The following DLG2 variants were observed in gnomAD, a reference collection of about 807,000 sequenced individuals.
The protein encoded by DLG2 is disks large homolog 2.
DLG2 carries 45 observed loss-of-function variants against 132.5 expected under a neutral mutation model. That is an observed-to-expected ratio of 0.34 (90% CI 0.27 to 0.44). DLG2 has a LOEUF of 0.44. Ranked by LOEUF, DLG2 falls within the 20% of genes least tolerant of loss-of-function variation. DLG2 has a pLI of 1.00. For missense variants in DLG2, 1,045 were observed against 1,196.9 expected (o/e 0.87, Z 1.87); for synonymous variants, 424 against 419.6 (o/e 1.01, Z -0.13).
At chr11:84,802,708 C>A (rs1455944191) in intron 6 of DLG2, among the ~76,000 whole-genome samples, 2 of 150,566 alleles carry the variant, frequency 1.3e-5, no homozygotes, top group Admixed American at 1.3e-4. Flanking sequence ...TGAAAAAAGG[C>A]CAGAGATGAG....
At chr11:84,867,424 T>C (rs1041468668) in intron 6 of DLG2, among the ~76,000 whole-genome samples, 2 of 152,184 alleles carry the variant, frequency 1.3e-5, no homozygotes, top group South Asian at 2.1e-4. Context: ...TAAGTAATCT[T>C]TGAGTCTCAA....
chr11:84,032,487 A>G (rs951111680), intron 11 of DLG2, among the ~76,000 whole-genome samples: 2 of 152,238 alleles, frequency 1.3e-5, no homozygotes, highest in African/African-American at 4.8e-5. Context: ...AGGAAACTGC[A>G]GAAGAGAAGT....
rs115120970 is a variant in DLG2 at position 84,747,643 on chromosome 11, A to T, written c.358-212912T>A. On this transcript the variant is annotated intron_variant, in intron 6 of 27. Transcript: ENST00000376104. ...CCTTGCACTAAGGTACTGAATAATT[A>T]TTAGTTCATGTCTCACGAGCTGCCT... Among the ~76,000 whole-genome samples, 1,066 of 152,344 alleles carry T rather than the reference A, an allele frequency of 7.0e-3. 13 individuals are homozygous for T. The highest frequency in any genetic ancestry group is 0.023 in the African/African-American group (968 of 41,584).
chr11:85,590,802 A>G (rs1388968357), intron 3 of DLG2, among the ~76,000 whole-genome samples: 2 of 152,184 alleles, frequency 1.3e-5, no homozygotes, highest in Non-Finnish European at 2.9e-5. Context: ...TATTAGTTAC[A>G]GTGATCATCA....
At chr11:84,038,137 C>G (rs531461556) in intron 11 of DLG2, among the ~76,000 whole-genome samples, 2 of 151,972 alleles carry the variant, frequency 1.3e-5, no homozygotes, top group Admixed American at 6.6e-5. Flanking sequence ...CCACCTTCCA[C>G]TAGGCCCCAG....
chr11:84,680,846 T>C (rs2099727477), intron 6 of DLG2, among the ~76,000 whole-genome samples: 1 of 152,176 alleles, frequency 6.6e-6, no homozygotes, highest in African/African-American at 2.4e-5. Context: ...AATTCTTAGT[T>C]ACTAACTTTT....
intron 18 of DLG2, among the ~76,000 whole-genome samples, chr11:83,684,988 C>G (rs139704672): frequency 1.3e-5 from 2 of 152,220 alleles, no homozygotes; most frequent in East Asian, 3.9e-4. Context: ...GAAGCTGTAT[C>G]AATATTTTGC....
At chr11:84,873,484 T>C (rs2154045646) in intron 6 of DLG2, among the ~76,000 whole-genome samples, 1 of 152,328 alleles carries the variant, frequency 6.6e-6, no homozygotes, top group African/African-American at 2.4e-5. Flanking sequence ...TGTAATTCAT[T>C]ACATTAGCAC....
intron 11 of DLG2, among the ~76,000 whole-genome samples, chr11:84,052,846 A>C (rs576782823): frequency 6.6e-6 from 1 of 152,144 alleles, no homozygotes; most frequent in African/African-American, 2.4e-5. Context: ...TAGTTTAGCC[A>C]CTGTGGAAGA....
At chr11:84,539,248 A>G (rs1457088754) in intron 6 of DLG2, among the ~76,000 whole-genome samples, 1 of 152,202 alleles carries the variant, frequency 6.6e-6, no homozygotes, top group Non-Finnish European at 1.5e-5. Context: ...AATACATGTT[A>G]ATTTCACTCT....
chr11:84,140,239 C>T (rs1001542450), intron 9 of DLG2, among the ~76,000 whole-genome samples: 2 of 152,090 alleles, frequency 1.3e-5, no homozygotes, highest in South Asian at 2.1e-4. Context: ...ACCTCCTGAG[C>T]GTTTGTTTTC....
At chr11:84,569,201 C>A (rs2154527449) in intron 6 of DLG2, among the ~76,000 whole-genome samples, 1 of 152,268 alleles carries the variant, frequency 6.6e-6, no homozygotes, top group East Asian at 1.9e-4. Context: ...GGGTAATCAC[C>A]AGCTGGTCCT....
intron 10 of DLG2, among the ~76,000 whole-genome samples, chr11:84,064,176 A>G (rs1566301638): frequency 1.3e-4 from 20 of 152,280 alleles, no homozygotes; most frequent in East Asian, 1.9e-4. Flanking sequence ...GATTTTACGC[A>G]TTTTTAAGTA....
At chr11:85,315,451 C>T (rs1596175350) in intron 3 of DLG2, among the ~76,000 whole-genome samples, 1 of 152,126 alleles carries the variant, frequency 6.6e-6, no homozygotes. Flanking sequence ...CTAACAAGTC[C>T]TCTTCCACCA....
intron 3 of DLG2, among the ~76,000 whole-genome samples, chr11:85,502,152 G>A (rs563888818): frequency 7.2e-5 from 11 of 151,986 alleles, no homozygotes; most frequent in African/African-American, 2.4e-4. Context: ...ATCATTCTCA[G>A]CAAACTATCA....
intron 2 of DLG2, among the ~76,000 whole-genome samples, chr11:85,605,613 A>G (rs528243679): frequency 2.2e-4 from 33 of 152,206 alleles, no homozygotes; most frequent in Admixed American, 2.6e-4. Flanking sequence ...ACCCTCACAG[A>G]GATTTTAGTC....
chr11:83,986,106 T>C (rs914822896), intron 11 of DLG2, among the ~76,000 whole-genome samples: 4 of 151,928 alleles, frequency 2.6e-5, no homozygotes, highest in African/African-American at 7.3e-5. Flanking sequence ...ATGTGCACAA[T>C]GTGCAGGTTA....
chr11:84,244,614 A>G (rs1299607097), intron 8 of DLG2, among the ~76,000 whole-genome samples: 1 of 152,208 alleles, frequency 6.6e-6, no homozygotes, highest in Non-Finnish European at 1.5e-5. Context: ...CTAAATTCCT[A>G]TTGCTTCATA....
chr11:83,594,297 G>A (rs1041191616), intron 19 of DLG2, among the ~76,000 whole-genome samples: 2 of 152,208 alleles, frequency 1.3e-5, no homozygotes, highest in South Asian at 2.1e-4. Context: ...GTGGAGCAGA[G>A]CCCTTCCTCA....
Sources: allele counts gnomAD v4.1 joint callset (sites outside exome capture counted in the v4.1 genomes callset), GRCh38; gene constraint gnomAD v4.1.1; transcripts MANE v1.5; gene names NCBI Gene and HGNC (gene_info 2026-07-23, HGNC 2026-07-21).